The following DISP3 variants were observed in gnomAD, a reference collection of about 807,000 sequenced individuals.
DISP3 encodes the protein protein dispatched homolog 3.
In DISP3, 101 loss-of-function variants were observed where a neutral mutation model predicts 135.3. That is an observed-to-expected ratio of 0.75 (90% CI 0.64 to 0.88). The LOEUF is 0.88. DISP3 is among the 40% of genes least tolerant of loss of function. The probability of loss-of-function intolerance (pLI) is 0.00; values close to 1 mark genes in which losing one functional copy is unlikely to be tolerated. For synonymous variants in DISP3, 856 were observed against 817.0 expected (o/e 1.05, Z -0.81); for missense variants, 1,713 against 1,878.6 (o/e 0.91, Z 1.63).
In DISP3 at chr1:11,536,695, G is replaced by C; in HGVS notation, c.*9G>C. The C allele has an allele frequency of 6.5e-7, 1 of 1,540,880 alleles. No individual in the cohort carries two copies. On this transcript the variant is annotated 3_prime_UTR_variant, in exon 21 of 21. Coordinates refer to ENST00000294484, the MANE Select transcript of DISP3 (RefSeq NM_020780.2). This position sits in a 1 kb window ranked among gnomAD's most constrained non-coding sequence, Gnocchi z 4.3. ...CAGGGGCCTCCCTATAGCCCGGGAC[G>C]GGCTCTGGACACTTGCACCTTTGGT...
intron 1 of DISP3, among the ~76,000 whole-genome samples, chr1:11,496,004 CA>C (rs1379071861): frequency 1.3e-5 from 2 of 152,144 alleles, no homozygotes; most frequent in Admixed American, 1.3e-4. Context: ...CTGATCATTG[CA>C]GAAAAATTAG....
At chr1:11,533,906 G>T in intron 17 of DISP3, 1 of 714,762 alleles carries the variant, frequency 1.4e-6, no homozygotes. Flanking sequence ...GGCTGCTCCT[G>T]CCCTTGCAAT....
rs778064031 is a variant in DISP3 at position 11,531,739 on chromosome 1, A to G, written c.3375+29A>G. The G allele has an allele frequency of 6.4e-7, 1 of 1,570,506 alleles. No homozygotes were observed. Among genetic ancestry groups the G allele is most frequent in the Non-Finnish European group, 8.6e-7 (1 of 1,157,680 alleles). ...AGCCCAGGCAGCCTCACTGGGTGCC[A>G]TGCTGCGTACTTGCCCGGGGTGTGC... On this transcript the variant is annotated intron_variant, in intron 17 of 20. Coordinates refer to ENST00000294484, the MANE Select transcript of DISP3 (RefSeq NM_020780.2). This position sits in a 1 kb window ranked among gnomAD's most constrained non-coding sequence, Gnocchi z 5.2.
chr1:11,526,750 C>T lies in DISP3; in HGVS notation c.2713C>T (p.Leu905=), dbSNP rs774892020. ...QAASPSRKWM[L]TTLACDAKRG... ...GGCGAGCCCCTCCCGCAAGTGGATG[C>T]TGACGACCTTGGCCTGTGATGCCAA... The change falls in exon 13 of 21, where the codon CTG becomes TTG. Residue 905 remains leucine, a synonymous_variant. Transcript: ENST00000294484. The T allele has an allele frequency of 6.2e-7, 1 of 1,613,880 alleles. No homozygotes were observed. Among genetic ancestry groups the T allele is most frequent in the East Asian group, 2.2e-5 (1 of 44,888 alleles).
At chr1:11,533,950 C>T in intron 17 of DISP3, 2 of 694,166 alleles carry the variant, frequency 2.9e-6, no homozygotes, top group Non-Finnish European at 5.3e-6. Flanking sequence ...AGGCAGGTTG[C>T]CAGGCAGTGA....
At position 11,514,628 on chromosome 1, in the gene DISP3, A is replaced by T. The variant is rs149440962; in HGVS notation, c.1453+102A>T. 2.8e-6 allele frequency: 4 copies of T among 1,408,200 alleles called. No individual in the cohort carries two copies. In the African/African-American group the frequency reaches 5.7e-5, roughly 20 times the overall value. 87.2% of individuals were successfully genotyped at this position (1,408,200 alleles called of 1,614,324 possible). A position where few individuals can be genotyped will look rare whatever the true frequency, so the allele number is the denominator to read the frequency against. ...ATGCTGCAATACTCTTGAGCCCAGC[A>T]TGTCAGAGCTGGGGACACAGGGATA... On this transcript the variant is annotated intron_variant, in intron 4 of 20. Coordinates refer to ENST00000294484, the MANE Select transcript of DISP3 (RefSeq NM_020780.2).
chr1:11,532,808 C>T (rs1331346352), intron 17 of DISP3, among the ~76,000 whole-genome samples: 1 of 152,142 alleles, frequency 6.6e-6, no homozygotes, highest in African/African-American at 2.4e-5. Context: ...AGCACTTCTC[C>T]CACCTCAGCC....
In DISP3 at chr1:11,499,098, A is replaced by G. The variant is rs542616335; in HGVS notation, c.-3-1892A>G. On this transcript the variant is annotated intron_variant, in intron 1 of 20. Coordinates refer to ENST00000294484, the MANE Select transcript of DISP3 (RefSeq NM_020780.2). This position sits in a 1 kb window ranked among gnomAD's most constrained non-coding sequence, Gnocchi z 5.2. Reference sequence around the variant, plus strand: ...AGCAAGGACTTGCATGATGAATTCAATGTGGACCCCTAGGGGACGGGGATG... The same window carrying G: ...AGCAAGGACTTGCATGATGAATTCAGTGTGGACCCCTAGGGGACGGGGATG... Among the ~76,000 whole-genome samples the G allele has an allele frequency of 1.2e-4, 18 of 152,282 alleles. No individual in the cohort carries two copies. The highest frequency in any genetic ancestry group is 3.6e-4 in the African/African-American group (15 of 41,554).
Position 11,536,726 on chromosome 1 carries a change from G to A in DISP3, c.*40G>A, listed in dbSNP as rs188441100. On this transcript the variant is annotated 3_prime_UTR_variant, in exon 21 of 21. Coordinates refer to ENST00000294484, the MANE Select transcript of DISP3 (RefSeq NM_020780.2). The surrounding 1 kb of genome is among the most constrained non-coding windows in gnomAD (Gnocchi z 4.3). ...TGGACACTTGCACCTTTGGTCCCATGGGTGGGGGACAGGAGCTGCTTCCCA... is the reference window on the plus strand; with the variant it reads ...TGGACACTTGCACCTTTGGTCCCATAGGTGGGGGACAGGAGCTGCTTCCCA... 5 of 1,482,674 alleles carry A rather than the reference G, an allele frequency of 3.4e-6. No individual in the cohort carries two copies. In the African/African-American group the frequency reaches 5.6e-5, roughly 17 times the overall value. 91.8% of individuals were successfully genotyped at this position (1,482,674 alleles called of 1,614,324 possible).
chr1:11,493,716 T>G (rs568163449), intron 1 of DISP3, among the ~76,000 whole-genome samples: 2 of 148,142 alleles, frequency 1.4e-5, no homozygotes, highest in East Asian at 3.9e-4. Context: ...AGAGCAAGAC[T>G]CCATCTCAAA....
At chr1:11,535,255 G>C (rs1042528034) in intron 19 of DISP3, 131 bp downstream of exon 19, 2 of 1,057,478 alleles carry the variant, frequency 1.9e-6, no homozygotes, top group African/African-American at 3.2e-5. Flanking sequence ...TCATAGGACT[G>C]TCTCTCCTGC....
At chr1:11,507,485 G>A (rs1364998798) in intron 3 of DISP3, among the ~76,000 whole-genome samples, 1 of 152,230 alleles carries the variant, frequency 6.6e-6, no homozygotes, top group Admixed American at 6.5e-5. Flanking sequence ...TTCTGCAGAA[G>A]TGCTGAGGGA....
chr1:11,527,004 C>T (rs1411094396), intron 13 of DISP3, among the ~76,000 whole-genome samples, 169 bp downstream of exon 13: 2 of 151,532 alleles, frequency 1.3e-5, no homozygotes, highest in Non-Finnish European at 1.5e-5. Flanking sequence ...AATCTTGGCT[C>T]ACTGTAACCT....
chr1:11,524,006 G>A lies in DISP3; in HGVS notation c.2427G>A (p.Arg809=). Residue 809 remains arginine, a synonymous_variant, in exon 11 of 21, where the codon AGG becomes AGA. Transcript: ENST00000294484. ...NNIRTSLEKK[R]RGSGVPWASR... ...TCCGGACGTCCCTGGAGAAGAAGAG[G>A]CGAGGCTCAGGGGTCCCCTGGGCTA... is the stretch of plus-strand genomic sequence containing the variant. 2 of 1,613,448 alleles carry A rather than the reference G, an allele frequency of 1.2e-6. No individual in the cohort carries two copies. The highest frequency in any genetic ancestry group is 2.2e-5 in the South Asian group (2 of 91,072).
rs544805582 is a variant in DISP3 at position 11,498,275 on chromosome 1, C to A, written c.-3-2715C>A. Among the ~76,000 whole-genome samples, 4 of 152,336 alleles carry A rather than the reference C, an allele frequency of 2.6e-5. No homozygotes were observed. The East Asian group carries it at 5.8e-4, about 22-fold the overall frequency. ...CTACTCTGTGGTATCTGGGCCTCGG[C>A]TGGAAAGACTTCAAGGCTAGTGGTT... On this transcript the variant is annotated intron_variant, in intron 1 of 20. Transcript: ENST00000294484.
In DISP3 at chr1:11,519,663, T is replaced by C; in HGVS notation, c.2039-56T>C. On this transcript the variant is annotated intron_variant, in intron 8 of 20. Transcript: ENST00000294484. The surrounding 1 kb of genome is among the most constrained non-coding windows in gnomAD (Gnocchi z 4.3). ...ATCTGGGCTTCCCTGGAAGCGAGCG[T>C]GGACCACAGTGGGCTTTGATTCAGG... The C allele has an allele frequency of 1.3e-6, 2 of 1,589,150 alleles. No individual in the cohort carries two copies. The highest frequency in any genetic ancestry group is 2.7e-5 in the African/African-American group (2 of 74,630).
intron 2 of DISP3, 73 bp downstream of exon 2, chr1:11,502,161 GCCAGGC>G (rs574431695): frequency 8.0e-5 from 119 of 1,495,166 alleles, no homozygotes; most frequent in East Asian, 2.1e-4. Context: ...TTTGGCCCAG[GCCAGGC>G]CCAGGCCCAG....
intron 10 of DISP3, among the ~76,000 whole-genome samples, chr1:11,522,749 G>A (rs1402365205): frequency 0.032 from 2,468 of 77,714 alleles, 2 homozygotes; most frequent in Middle Eastern, 0.07. Flanking sequence ...GCCCAGCCAG[G>A]ACCCAGCCAG....
intron 4 of DISP3, 27 bp downstream of exon 4, chr1:11,514,553 T>G (rs774132544): frequency 6.2e-7 from 1 of 1,606,604 alleles, no homozygotes; most frequent in South Asian, 1.1e-5. Context: ...GCCAGCCCCC[T>G]CCTCCCCTCC....
Sources: gnomAD v4.1 joint callset for allele counts (sites outside exome capture counted in the v4.1 genomes callset) on GRCh38, gnomAD v4.1.1 for gene constraint, Gnocchi (gnomAD v3.1) non-coding constraint, MANE v1.5 for transcripts, NCBI Gene and HGNC (gene_info 2026-07-23, HGNC 2026-07-21) for gene names.